Variants in SMAD2 observed in about 807,000 individuals in gnomAD.
The protein encoded by SMAD2 is MAD homolog 2.
In SMAD2, 8 loss-of-function variants were observed where a neutral mutation model predicts 64.4. The observed-to-expected ratio is 0.12, with a 90% CI of 0.07 to 0.22. SMAD2 has a LOEUF of 0.22. Among genes scored for constraint, SMAD2 ranks in the 10% least tolerant of loss-of-function variants. The pLI is 1.00. For missense variants in SMAD2, 289 were observed against 561.2 expected, an observed-to-expected ratio of 0.51 and a Z score of 4.90; for synonymous variants, 203 against 195.8, an observed-to-expected ratio of 1.04 and a Z score of -0.31.
At chr18:47,882,655 A>G (rs1345279626) in intron 2 of SMAD2, among the ~76,000 whole-genome samples, 1 of 152,206 alleles carries the variant, frequency 6.6e-6, no homozygotes, top group Non-Finnish European at 1.5e-5. Flanking sequence ...TGTGAGCCTC[A>G]TAAAACAACA....
rs1912903462 is a variant in SMAD2, at chr18:47,829,490, T to C, written c.*12337A>G. ...TGCACCCACCTTCAATCAAATGCGATCTTTTAAAGAATATAAACAAGCCAG... is the reference window on the plus strand; with the variant it reads ...TGCACCCACCTTCAATCAAATGCGACCTTTTAAAGAATATAAACAAGCCAG... On this transcript the variant is annotated 3_prime_UTR_variant, in exon 11 of 11. Coordinates refer to ENST00000262160, the MANE Select transcript of SMAD2 (RefSeq NM_005901.6). The C allele has an allele frequency of 6.6e-6, 1 of 151,874 alleles. No homozygotes were observed. Among genetic ancestry groups the C allele is most frequent in the South Asian group, 2.1e-4 (1 of 4,824 alleles). The allele number at this position is 151,874 out of a possible 1,614,324, so 9.4% of individuals were successfully genotyped here.
At chr18:47,880,192 C>A (rs1410782353) in intron 2 of SMAD2, among the ~76,000 whole-genome samples, 2 of 152,160 alleles carry the variant, frequency 1.3e-5, no homozygotes, top group Non-Finnish European at 2.9e-5. Flanking sequence ...TCACTGCTTT[C>A]TATATACTTT....
Position 47,837,570 on chromosome 18 carries a change from A to G in SMAD2, c.*4257T>C. The G allele has an allele frequency of 4.4e-6, 1 of 226,874 alleles. No homozygotes were observed. Among genetic ancestry groups the G allele is most frequent in the Non-Finnish European group, 8.7e-6 (1 of 115,096 alleles). 14.1% of individuals were successfully genotyped at this position (226,874 alleles called of 1,614,324 possible). On this transcript the variant is annotated 3_prime_UTR_variant, in exon 11 of 11. Transcript: ENST00000262160. ...GAGCGAGACTCCCTCTCAAAAAAAA[A>G]AAAAAAAAACAAAAAACAAGGCTAA...
intron 6 of SMAD2, among the ~76,000 whole-genome samples, chr18:47,852,184 A>C (rs1473255509): frequency 6.6e-6 from 1 of 152,120 alleles, no homozygotes; most frequent in Non-Finnish European, 1.5e-5. Context: ...CTTTATGTGT[A>C]TTAGGGATGT....
rs967687950 is a variant in SMAD2, at chr18:47,839,455, T to C, written c.*2372A>G. On this transcript the variant is annotated 3_prime_UTR_variant, in exon 11 of 11. Coordinates refer to ENST00000262160, the MANE Select transcript of SMAD2 (RefSeq NM_005901.6). ...TAGGACATTTACTCTGCTCACAAGA[T>C]GGGTAGTGGAAGACATAATTACTGG... 4 of 233,122 alleles carry C rather than the reference T, an allele frequency of 1.7e-5. No individual in the cohort carries two copies. The highest frequency in any genetic ancestry group is 1.7e-4 in the Admixed American group (3 of 17,770). 14.4% of individuals were successfully genotyped at this position (233,122 alleles called of 1,614,324 possible).
At chr18:47,850,842 TTA>T (rs1376029191) in intron 7 of SMAD2, among the ~76,000 whole-genome samples, 2 of 6,080 alleles carry the variant, frequency 3.3e-4, no homozygotes, top group Admixed American at 2.9e-3. Flanking sequence ...ATTATGTATA[TTA>T]TATATTATAT....
rs1913840378 is a variant in SMAD2 at position 47,840,510 on chromosome 18, T to G, written c.*1317A>C. The G allele has an allele frequency of 4.3e-6, 1 of 232,460 alleles. No homozygotes were observed. The highest frequency in any genetic ancestry group is 8.5e-6 in the Non-Finnish European group (1 of 117,616). The allele number at this position is 232,460 out of a possible 1,614,324, so 14.4% of individuals were successfully genotyped here. On this transcript the variant is annotated 3_prime_UTR_variant, in exon 11 of 11. Transcript: ENST00000262160. ...GTAACTTATAAGCTAAAAAACTTGC[T>G]AAATAAATGGCTTTTCCCCCAATTT... is the stretch of plus-strand genomic sequence containing the variant.
intron 6 of SMAD2, among the ~76,000 whole-genome samples, chr18:47,862,435 CT>C (rs2031255698): frequency 1.3e-5 from 2 of 152,174 alleles, no homozygotes; most frequent in Non-Finnish European, 2.9e-5. Flanking sequence ...TGTTCCATGC[CT>C]TTCTCTTAAG....
intron 6 of SMAD2, among the ~76,000 whole-genome samples, chr18:47,851,784 T>C (rs111742130): frequency 0.019 from 2,885 of 152,288 alleles, 84 homozygotes; most frequent in African/African-American, 0.065. Flanking sequence ...CGATCCCACA[T>C]TGATGGATAT....
chr18:47,869,607 A>C (rs1395979388), intron 3 of SMAD2, among the ~76,000 whole-genome samples, 171 bp from the exon 4 acceptor site: 1 of 152,192 alleles, frequency 6.6e-6, no homozygotes. Context: ...TGGATCTGAT[A>C]AAAGTATGCA....
In SMAD2 at chr18:47,817,384, A is replaced by G. The variant is rs1431393100; in HGVS notation, c.*24443T>C. 1 of 152,216 alleles carries G rather than the reference A, an allele frequency of 6.6e-6. No individual in the cohort carries two copies. Among genetic ancestry groups the G allele is most frequent in the East Asian group, 1.9e-4 (1 of 5,194 alleles). The allele number at this position is 152,216 out of a possible 1,614,324, so 9.4% of individuals were successfully genotyped here. A position where few individuals can be genotyped will look rare whatever the true frequency, so the allele number is the denominator to read the frequency against. On this transcript the variant is annotated 3_prime_UTR_variant, in exon 11 of 11. Coordinates refer to ENST00000262160, the MANE Select transcript of SMAD2 (RefSeq NM_005901.6). ...TAAAGGACTTTACATCCCTCCTGGG[A>G]TGACAAAAGACTTTTTGTCTTTCCT... is the stretch of plus-strand genomic sequence containing the variant.
intron 2 of SMAD2, among the ~76,000 whole-genome samples, chr18:47,884,932 G>GA (rs1452235496): frequency 5.3e-5 from 8 of 151,902 alleles, no homozygotes; most frequent in South Asian, 2.1e-4. Context: ...TGCTGCCCCT[G>GA]AAAAAACAAA....
intron 10 of SMAD2, among the ~76,000 whole-genome samples, chr18:47,842,376 C>T (rs1207619582): frequency 1.3e-5 from 2 of 152,076 alleles, no homozygotes; most frequent in Non-Finnish European, 2.9e-5. Flanking sequence ...CCCGTCTCTA[C>T]TAAAAATATA....
intron 1 of SMAD2, among the ~76,000 whole-genome samples, chr18:47,909,235 T>C (rs909491799): frequency 1.3e-5 from 2 of 152,302 alleles, no homozygotes; most frequent in Admixed American, 6.5e-5. Context: ...GACTATTACA[T>C]GGTTTGAGAA....
At chr18:47,896,459 A>T in intron 2 of SMAD2, 62 bp downstream of exon 2, 1 of 1,544,062 alleles carries the variant, frequency 6.5e-7, no homozygotes, top group Non-Finnish European at 9.0e-7. Context: ...ACACAAATTC[A>T]GTAACTTTCC....
At chr18:47,921,955 A>C (rs1021759840) in intron 1 of SMAD2, among the ~76,000 whole-genome samples, 2 of 152,238 alleles carry the variant, frequency 1.3e-5, no homozygotes, top group African/African-American at 2.4e-5. Flanking sequence ...CAATAACAGC[A>C]AACACTGAAG....
At chr18:47,899,593 ATGCAT>A (rs1384634375) in intron 1 of SMAD2, among the ~76,000 whole-genome samples, 7 of 152,186 alleles carry the variant, frequency 4.6e-5, no homozygotes, top group African/African-American at 1.4e-4. Context: ...AATTGTGTCA[ATGCAT>A]TGTGTTGCAC....
rs753404387 is a variant in SMAD2 at position 47,815,288 on chromosome 18, G to T, written c.*26539C>A. ...ACACCTTCCCAAAACCAGATGGGAT[G>T]CATGAGAAATTGATGTGAAATGAAG... On this transcript the variant is annotated 3_prime_UTR_variant, in exon 11 of 11. Coordinates refer to ENST00000262160, the MANE Select transcript of SMAD2 (RefSeq NM_005901.6). 6.6e-6 allele frequency: 1 copy of T among 152,254 alleles called. No individual in the cohort carries two copies. Among genetic ancestry groups the T allele is most frequent in the Non-Finnish European group, 1.5e-5 (1 of 68,044 alleles). The allele number at this position is 152,254 out of a possible 1,614,324, so 9.4% of individuals were successfully genotyped here.
chr18:47,851,216 T>C, intron 7 of SMAD2, 58 bp downstream of exon 7: 1 of 1,196,628 alleles, frequency 8.4e-7, no homozygotes, highest in South Asian at 1.2e-5. Context: ...AGATGATTTT[T>C]ATTATTAAGT....
Sources: allele counts gnomAD v4.1 joint callset (sites outside exome capture counted in the v4.1 genomes callset), GRCh38; gene constraint gnomAD v4.1.1; transcripts MANE v1.5; gene names NCBI Gene and HGNC (gene_info 2026-07-23, HGNC 2026-07-21).